G3BP2: variants seen among roughly 807,000 people sequenced by gnomAD.
G3BP2 encodes the protein ras GTPase-activating protein-binding protein 2.
G3BP2 carries 11 observed loss-of-function variants against 56.7 expected under a neutral mutation model. The ratio of observed to expected loss-of-function variants is 0.19; its 90% CI spans 0.12 to 0.32. The LOEUF (loss-of-function observed/expected upper bound fraction) is 0.32, where lower values mean the gene tolerates loss of function less well. Ranked by LOEUF, G3BP2 falls within the 10% of genes least tolerant of loss-of-function variation. The pLI, the probability that G3BP2 is intolerant of heterozygous loss-of-function variation, is 1.00. For synonymous variants in G3BP2, 165 were observed against 191.6 expected (o/e 0.86, Z 1.15); for missense variants, 340 against 610.9 (o/e 0.56, Z 4.67).
chr4:75,673,120 C>T, intron 1 of G3BP2, 88 bp downstream of exon 1: 1 of 1,087,322 alleles, frequency 9.2e-7, no homozygotes. Flanking sequence ...GGCTCACACA[C>T]CGGACGATTG....
chr4:75,679,232 AG>A (rs1733983709), intron 3 of G3BP2, among the ~76,000 whole-genome samples: 1 of 152,242 alleles, frequency 6.6e-6, no homozygotes, highest in Non-Finnish European at 1.5e-5. Context: ...TGAGAATCCC[AG>A]GGCTCTCTCT....
At chr4:75,689,313 G>A (rs1258047001) in intron 3 of G3BP2, among the ~76,000 whole-genome samples, 2 of 151,678 alleles carry the variant, frequency 1.3e-5, no homozygotes, top group Non-Finnish European at 2.9e-5. Context: ...GGAGGTGGAG[G>A]TTGCAGTGAG....
chr4:75,721,826 G>A lies in G3BP2; in HGVS notation c.-118+371C>T, dbSNP rs143296435. On this transcript the variant is annotated intron_variant, in intron 2 of 3. Coordinates refer to the G3BP2 transcript ENST00000499709. ...AATTTCAAACCAATGAATTTTGTTC[G>A]TTGATCTATTGTCAGGTTTGGTTTA... 2.1e-3 allele frequency among the ~76,000 whole-genome samples: 317 copies of A among 152,102 alleles called. 7 individuals are homozygous for A. Among genetic ancestry groups the A allele is most frequent in the Non-Finnish European group, 8.5e-4 (58 of 68,004 alleles).
In G3BP2 at chr4:75,662,136, A is replaced by T. The variant is rs1179910505; in HGVS notation, c.-24-87T>A. ...ATAAATTTTCTTTTTAGCCAAATTTAGCAGTGGGGAGTTGTATACCAATTT... is the reference window on the plus strand; with the variant it reads ...ATAAATTTTCTTTTTAGCCAAATTTTGCAGTGGGGAGTTGTATACCAATTT... On this transcript the variant is annotated intron_variant, in intron 1 of 11. Transcript: ENST00000359707. 5 of 725,378 alleles carry T rather than the reference A, an allele frequency of 6.9e-6. No individual in the cohort carries two copies. In the East Asian group the frequency reaches 1.0e-4, roughly 15 times the overall value. The allele number at this position is 725,378 out of a possible 1,614,324, so 44.9% of individuals were successfully genotyped here. A position where few individuals can be genotyped will look rare whatever the true frequency, so the allele number is the denominator to read the frequency against.
chr4:75,703,719 G>A (rs573401323), intron 3 of G3BP2, among the ~76,000 whole-genome samples: 2 of 152,324 alleles, frequency 1.3e-5, no homozygotes, highest in Admixed American at 1.3e-4. Context: ...AAGTCTTCCA[G>A]ACTGAAAACT....
intron 7 of G3BP2, among the ~76,000 whole-genome samples, chr4:75,654,551 T>C (rs1731941859): frequency 6.6e-6 from 1 of 152,312 alleles, no homozygotes; most frequent in South Asian, 2.1e-4. Context: ...ACTTTAACCT[T>C]TGACTTTGAA....
In G3BP2 at chr4:75,665,525, T is replaced by G. The variant is rs1267534785; in HGVS notation, c.-24-3476A>C. 8.6e-5 allele frequency among the ~76,000 whole-genome samples: 13 copies of G among 151,982 alleles called. No homozygotes were observed. In the East Asian group the frequency reaches 2.5e-3, roughly 29 times the overall value. Reference sequence around the variant, plus strand: ...CTTTGGGACGTCGAAGTGGGCAGACTGCTTGAGCTTAGGAGCTGAAGACCA... The same window carrying G: ...CTTTGGGACGTCGAAGTGGGCAGACGGCTTGAGCTTAGGAGCTGAAGACCA... On this transcript the variant is annotated intron_variant, in intron 1 of 11. Coordinates refer to ENST00000359707, the MANE Select transcript of G3BP2 (RefSeq NM_203505.3).
intron 1 of G3BP2, among the ~76,000 whole-genome samples, chr4:75,663,902 T>C (rs538681468): frequency 4.2e-4 from 64 of 152,312 alleles, no homozygotes; most frequent in African/African-American, 1.4e-3. Flanking sequence ...TATTTTATTT[T>C]TGAGATGGAG....
intron 1 of G3BP2, among the ~76,000 whole-genome samples, chr4:75,722,519 G>A (rs1720215036): frequency 6.6e-6 from 1 of 152,116 alleles, no homozygotes; most frequent in Non-Finnish European, 1.5e-5. Flanking sequence ...TGATGGGGTA[G>A]AGTGAGTTTC....
intron 1 of G3BP2, among the ~76,000 whole-genome samples, chr4:75,665,847 A>G (rs1218515014): frequency 6.6e-6 from 1 of 152,224 alleles, no homozygotes; most frequent in Non-Finnish European, 1.5e-5. Context: ...AAAATACTAC[A>G]TTACTCTCTG....
chr4:75,649,590 A>G (rs1323133658), intron 8 of G3BP2, among the ~76,000 whole-genome samples: 1 of 152,048 alleles, frequency 6.6e-6, no homozygotes, highest in Non-Finnish European at 1.5e-5. Flanking sequence ...AGTATTCCCA[A>G]CCTCTTCAGA....
intron 10 of G3BP2, among the ~76,000 whole-genome samples, 170 bp downstream of exon 10, chr4:75,646,859 C>T (rs1731241391): frequency 6.6e-6 from 1 of 152,128 alleles, no homozygotes; most frequent in African/African-American, 2.4e-5. Context: ...CACTGAGAAA[C>T]ATGTGAGATA....
intron 3 of G3BP2, among the ~76,000 whole-genome samples, chr4:75,701,988 T>C (rs1375420108): frequency 1.3e-5 from 2 of 152,102 alleles, no homozygotes; most frequent in Non-Finnish European, 2.9e-5. Flanking sequence ...GTTCCCTCCC[T>C]GGGAGCAACC....
chr4:75,694,472 C>T (rs553128919), intron 3 of G3BP2, among the ~76,000 whole-genome samples: 3 of 152,320 alleles, frequency 2.0e-5, no homozygotes, highest in Admixed American at 6.5e-5. Context: ...GGCGTGGTGG[C>T]GGGCGCCTGT....
intron 8 of G3BP2, among the ~76,000 whole-genome samples, chr4:75,650,923 A>G (rs2148959438): frequency 6.6e-6 from 1 of 152,358 alleles, no homozygotes; most frequent in Admixed American, 6.5e-5. Flanking sequence ...TATTAGACAC[A>G]GATGTTCAGT....
At chr4:75,647,429 T>A (rs1455681911) in intron 9 of G3BP2, among the ~76,000 whole-genome samples, 1 of 152,198 alleles carries the variant, frequency 6.6e-6, no homozygotes. Flanking sequence ...GTACTACAGG[T>A]ATTCCTCCTT....
chr4:75,693,117 G>A (rs1280778727), intron 3 of G3BP2, among the ~76,000 whole-genome samples: 4 of 152,104 alleles, frequency 2.6e-5, no homozygotes, highest in Non-Finnish European at 5.9e-5. Flanking sequence ...GGTGGTACAC[G>A]CCTGTAGTCC....
intron 3 of G3BP2, among the ~76,000 whole-genome samples, chr4:75,717,331 G>A (rs1436990000): frequency 2.6e-5 from 4 of 152,040 alleles, no homozygotes; most frequent in Admixed American, 6.6e-5. Context: ...TCCCAGCTAC[G>A]CAGGAGGCTG....
intron 3 of G3BP2, among the ~76,000 whole-genome samples, chr4:75,711,322 G>GA (rs60433756): frequency 0.03 from 3,242 of 107,482 alleles, 81 homozygotes; most frequent in African/African-American, 0.096. Flanking sequence ...CCATCTCAAA[G>GA]AAAAAAAAAA....
Sources: gnomAD v4.1 joint callset for allele counts (sites outside exome capture counted in the v4.1 genomes callset) on GRCh38, gnomAD v4.1.1 for gene constraint, MANE v1.5 for transcripts, NCBI Gene and HGNC (gene_info 2026-07-23, HGNC 2026-07-21) for gene names.